PARD3B: variants seen among roughly 807,000 people sequenced by gnomAD.
PARD3B encodes the protein par-3 family cell polarity regulator beta.
A neutral mutation model predicts 130.2 loss-of-function variants in PARD3B; 103 were observed. The observed-to-expected ratio is 0.79, with a 90% CI of 0.67 to 0.93. PARD3B has a LOEUF of 0.93. Among genes scored for constraint, PARD3B ranks in the 40% least tolerant of loss-of-function variants. The probability of loss-of-function intolerance (pLI) is 0.00; values close to 1 mark genes in which losing one functional copy is unlikely to be tolerated. For missense variants in PARD3B, 1,609 were observed against 1,499.2 expected (o/e 1.07, Z -1.21); for synonymous variants, 583 against 553.2 (o/e 1.05, Z -0.76).
intron 2 of PARD3B, among the ~76,000 whole-genome samples, chr2:204,730,581 A>G (rs1277218547): frequency 7.4e-6 from 1 of 134,778 alleles, no homozygotes; most frequent in Non-Finnish European, 1.5e-5. Context: ...GGTAAAAAAA[A>G]AAAGAAAAAA....
chr2:205,080,000 G>A (rs781731795), intron 4 of PARD3B, among the ~76,000 whole-genome samples: 33 of 152,070 alleles, frequency 2.2e-4, no homozygotes, highest in Non-Finnish European at 3.7e-4. Flanking sequence ...CTTGCTGAGA[G>A]CCTTTTATCT....
intron 11 of PARD3B, among the ~76,000 whole-genome samples, chr2:205,166,281 G>C (rs2034811522): frequency 1.3e-5 from 2 of 152,190 alleles, no homozygotes; most frequent in African/African-American, 4.8e-5. Flanking sequence ...ATTTAATTCT[G>C]TCTGGGGAGA....
chr2:205,169,129 C>A (rs1417214007), intron 11 of PARD3B, among the ~76,000 whole-genome samples: 1 of 152,160 alleles, frequency 6.6e-6, no homozygotes. Flanking sequence ...CAACATGGTG[C>A]TTACTGGCAT....
intron 22 of PARD3B, among the ~76,000 whole-genome samples, chr2:205,559,754 A>G (rs1342854117): frequency 6.6e-6 from 1 of 151,910 alleles, no homozygotes; most frequent in Non-Finnish European, 1.5e-5. Context: ...ACGCACCACC[A>G]TGCCCGGCTA....
At chr2:205,612,536 A>G (rs934309986) in intron 22 of PARD3B, among the ~76,000 whole-genome samples, 1 of 152,192 alleles carries the variant, frequency 6.6e-6, no homozygotes, top group African/African-American at 2.4e-5. Context: ...AAATTCTGTT[A>G]TGAACAAAAT....
Position 205,440,270 on chromosome 2 carries a change from T to C in PARD3B, c.2742-100T>C. The stretch of plus-strand genomic sequence containing the variant: ...CTTGAGTAAACAGGAGAATGACAGC[T>C]AAGAGACGAGGAAGAGTTAACATAA... On this transcript the variant is annotated intron_variant, in intron 19 of 22. Transcript: ENST00000406610. This position sits in a 1 kb window ranked among gnomAD's most constrained non-coding sequence, Gnocchi z 4.2. The C allele has an allele frequency of 8.3e-7, 1 of 1,202,726 alleles. No homozygotes were observed. Among genetic ancestry groups the C allele is most frequent in the South Asian group, 1.5e-5 (1 of 67,160 alleles). The allele number at this position is 1,202,726 out of a possible 1,614,324, so 74.5% of individuals were successfully genotyped here. A position where few individuals can be genotyped will look rare whatever the true frequency, so the allele number is the denominator to read the frequency against.
chr2:205,249,377 A>C lies in PARD3B; in HGVS notation c.2185+3555A>C, dbSNP rs576964425. Among the ~76,000 whole-genome samples the C allele has an allele frequency of 6.6e-5, 10 of 152,102 alleles. 1 individual carries two copies. In the South Asian group the frequency reaches 2.1e-3, roughly 32 times the overall value. ...ATTTTAATAAATTCATCTGAGTTAAAATTTCTTGAGTCAGCTACTTAGTCT... is the reference window on the plus strand; with the variant it reads ...ATTTTAATAAATTCATCTGAGTTAACATTTCTTGAGTCAGCTACTTAGTCT... On this transcript the variant is annotated intron_variant, in intron 16 of 22. Coordinates refer to ENST00000406610, the MANE Select transcript of PARD3B (RefSeq NM_001302769.2).
chr2:205,222,187 A>G (rs964573233), intron 15 of PARD3B, among the ~76,000 whole-genome samples: 2 of 152,182 alleles, frequency 1.3e-5, no homozygotes, highest in Non-Finnish European at 2.9e-5. Flanking sequence ...TATAAAAAAA[A>G]AAAAAGAAAC....
intron 20 of PARD3B, among the ~76,000 whole-genome samples, chr2:205,495,338 A>G (rs2049885452): frequency 1.3e-5 from 2 of 152,196 alleles, no homozygotes; most frequent in African/African-American, 2.4e-5. Flanking sequence ...CAGCACATCG[A>G]AAGTGTAAGA....
At chr2:205,477,139 G>A (rs2049050323) in intron 20 of PARD3B, among the ~76,000 whole-genome samples, 1 of 152,138 alleles carries the variant, frequency 6.6e-6, no homozygotes, top group Non-Finnish European at 1.5e-5. Flanking sequence ...CCTGAACTCT[G>A]CAAACGTTTC....
intron 22 of PARD3B, among the ~76,000 whole-genome samples, chr2:205,557,939 G>A (rs904548212): frequency 6.6e-6 from 1 of 152,108 alleles, no homozygotes; most frequent in Non-Finnish European, 1.5e-5. Flanking sequence ...CAGGGGCACA[G>A]TTTGCCAGGA....
chr2:205,503,047 C>T (rs2050216570), intron 21 of PARD3B, among the ~76,000 whole-genome samples: 1 of 150,004 alleles, frequency 6.7e-6, no homozygotes, highest in Non-Finnish European at 1.5e-5. Flanking sequence ...TCTCTTCCCT[C>T]TTCCCTCTTC....
At chr2:205,235,357 C>T (rs965884489) in intron 15 of PARD3B, among the ~76,000 whole-genome samples, 14 of 152,118 alleles carry the variant, frequency 9.2e-5, no homozygotes, top group African/African-American at 2.9e-4. Context: ...GGGAAGTCGA[C>T]GCTGCAGTGA....
intron 21 of PARD3B, among the ~76,000 whole-genome samples, chr2:205,531,598 T>C (rs528115628): frequency 1.4e-4 from 21 of 152,228 alleles, no homozygotes; most frequent in Non-Finnish European, 2.4e-4. Context: ...CTTGGTAAAT[T>C]CCAGTCTTGC....
At chr2:205,335,008 A>G (rs1012000687) in intron 18 of PARD3B, among the ~76,000 whole-genome samples, 4 of 152,180 alleles carry the variant, frequency 2.6e-5, no homozygotes, top group Non-Finnish European at 4.4e-5. Flanking sequence ...AGAAGCATTT[A>G]TTTTACCATC....
chr2:204,970,339 A>C (rs996183024), intron 3 of PARD3B, among the ~76,000 whole-genome samples: 9 of 152,186 alleles, frequency 5.9e-5, no homozygotes, highest in African/African-American at 1.7e-4. Flanking sequence ...ATCAGAACCA[A>C]CTTTTTCCAA....
At chr2:205,485,848 A>G (rs1198322505) in intron 20 of PARD3B, among the ~76,000 whole-genome samples, 2 of 152,124 alleles carry the variant, frequency 1.3e-5, no homozygotes, top group Admixed American at 6.6e-5. Context: ...CTCTTCTCTA[A>G]TAGGCCTTTC....
intron 18 of PARD3B, among the ~76,000 whole-genome samples, chr2:205,327,599 C>T (rs1278080331): frequency 1.3e-5 from 2 of 152,138 alleles, no homozygotes; most frequent in Non-Finnish European, 2.9e-5. Context: ...GGATTTCACC[C>T]CAGCAGTCTG....
chr2:205,565,910 C>CAAA (rs78064685), intron 22 of PARD3B, among the ~76,000 whole-genome samples: 15 of 63,670 alleles, frequency 2.4e-4, no homozygotes, highest in Non-Finnish European at 3.4e-5. Context: ...CTGCCCATTA[C>CAAA]AAAAAAAAAA....
Sources: allele counts gnomAD v4.1 joint callset (sites outside exome capture counted in the v4.1 genomes callset), GRCh38; gene constraint gnomAD v4.1.1; non-coding constraint Gnocchi (gnomAD v3.1); transcripts MANE v1.5; gene names NCBI Gene and HGNC (gene_info 2026-07-23, HGNC 2026-07-21).